The following PRKAG2 variants were observed in gnomAD, a reference collection of about 807,000 sequenced individuals.
PRKAG2 encodes 5'-AMP-activated protein kinase subunit gamma-2.
Under a neutral mutation model 69.6 loss-of-function variants are expected in PRKAG2, and 26 were observed. The observed-to-expected ratio is 0.37, with a 90% confidence interval of 0.27 to 0.52. PRKAG2 has a LOEUF of 0.52. Among genes scored for constraint, PRKAG2 ranks in the 20% least tolerant of loss-of-function variants. The probability of loss-of-function intolerance (pLI) is 0.90; values close to 1 mark genes in which losing one functional copy is unlikely to be tolerated. For missense variants in PRKAG2, 557 were observed against 740.0 expected, an observed-to-expected ratio of 0.75 and a Z score of 2.87; for synonymous variants, 293 against 285.0, an observed-to-expected ratio of 1.03 and a Z score of -0.28.
chr7:151,589,558 C>T (rs1422426521), intron 6 of PRKAG2, among the ~76,000 whole-genome samples: 8 of 152,238 alleles, frequency 5.3e-5, no homozygotes. Context: ...TAATTTAGAT[C>T]CAGTTAACAT....
At chr7:151,826,474 C>T (rs552175529) in intron 1 of PRKAG2, among the ~76,000 whole-genome samples, 17 of 152,224 alleles carry the variant, frequency 1.1e-4, no homozygotes, top group Admixed American at 3.3e-4. Context: ...TGAGCCACCG[C>T]GCCTGGCTCA....
At position 151,633,268 on chromosome 7, in the gene PRKAG2, A is replaced by G. The variant is rs1265479918; in HGVS notation, c.685-1130T>C. On this transcript the variant is annotated intron_variant, in intron 4 of 15. Transcript: ENST00000287878. ...GGTGGGGAGAGAAAAAGAAAACAAA[A>G]CTAAGATGTTTCATGGTAAAAAGCT... 3.3e-5 allele frequency: 5 copies of G among 152,234 alleles called. No individual in the cohort carries two copies. In the South Asian group the frequency reaches 1.0e-3, roughly 32 times the overall value. 9.4% of individuals were successfully genotyped at this position (152,234 alleles called of 1,614,324 possible). A position where few individuals can be genotyped will look rare whatever the true frequency, so the allele number is the denominator to read the frequency against.
At position 151,699,448 on chromosome 7, in the gene PRKAG2, T is replaced by A. The variant is rs1349782389; in HGVS notation, c.467-23811A>T. On this transcript the variant is annotated intron_variant, in intron 3 of 15. Transcript: ENST00000287878. The surrounding 1 kb of genome is among the most constrained non-coding windows in gnomAD (Gnocchi z 4.5). Reference sequence around the variant, plus strand: ...AGCCGTGAATTCACTGGGATTGAGATCATCTCGGCGACTTTATCATGAAGG... The same window carrying A: ...AGCCGTGAATTCACTGGGATTGAGAACATCTCGGCGACTTTATCATGAAGG... 6.6e-6 allele frequency among the ~76,000 whole-genome samples: 1 copy of A among 152,176 alleles called. No individual in the cohort carries two copies. The highest frequency in any genetic ancestry group is 6.5e-5 in the Admixed American group (1 of 15,274).
chr7:151,702,378 C>G (rs56383965), intron 3 of PRKAG2, among the ~76,000 whole-genome samples: 3,861 of 152,288 alleles, frequency 0.025, 158 homozygotes, highest in Non-Finnish European at 0.025. Flanking sequence ...GAAAGTCCAC[C>G]TAGACATTCA....
At chr7:151,852,802 A>G (rs1374719991) in intron 1 of PRKAG2, among the ~76,000 whole-genome samples, 4 of 152,118 alleles carry the variant, frequency 2.6e-5, no homozygotes, top group African/African-American at 9.7e-5. Context: ...CTCCACGAGA[A>G]TTAGCTTAGA....
At chr7:151,829,545 C>T (rs574672505) in intron 1 of PRKAG2, among the ~76,000 whole-genome samples, 1 of 152,038 alleles carries the variant, frequency 6.6e-6, no homozygotes, top group East Asian at 1.9e-4. Context: ...GAAATAAAAA[C>T]GTATTTCCAT....
chr7:151,793,704 C>T (rs899803198), intron 1 of PRKAG2, among the ~76,000 whole-genome samples: 1 of 152,202 alleles, frequency 6.6e-6, no homozygotes, highest in Admixed American at 6.5e-5. Flanking sequence ...CTGGGAGGCA[C>T]GGGGGAGGTG....
intron 4 of PRKAG2, among the ~76,000 whole-genome samples, chr7:151,650,028 G>T (rs1418497700): frequency 6.6e-6 from 1 of 151,916 alleles, no homozygotes; most frequent in African/African-American, 2.4e-5. Flanking sequence ...ATGACTACTT[G>T]GTATTTCTAT....
At chr7:151,809,441 C>T in intron 1 of PRKAG2, 3 of 350,862 alleles carry the variant, frequency 8.6e-6, no homozygotes, top group South Asian at 6.3e-5. Context: ...GCTGTGGGGT[C>T]CTCCCACCAG....
chr7:151,786,509 G>A lies in PRKAG2; in HGVS notation c.147C>T (p.Asp49=), dbSNP rs761196275. 65 of 1,612,884 alleles carry A rather than the reference G, an allele frequency of 4.0e-5. 1 individual carries two copies. Among genetic ancestry groups the A allele is most frequent in the South Asian group, 9.9e-5 (9 of 90,568 alleles). ...DLSSFAMPLL[D]GDLEGSGKHS... ...GCTTTCCGGAACCCTCCAGGTCTCCGTCCAGGAGCGGCATGGCGAAGGAGC... is the reference window on the plus strand; with the variant it reads ...GCTTTCCGGAACCCTCCAGGTCTCCATCCAGGAGCGGCATGGCGAAGGAGC... The change falls in exon 2 of 16, where the codon GAC becomes GAT. Residue 49 remains aspartate, a synonymous_variant. Transcript: ENST00000287878.
intron 5 of PRKAG2, among the ~76,000 whole-genome samples, chr7:151,607,029 G>A (rs1417817508): frequency 6.6e-6 from 1 of 152,160 alleles, no homozygotes; most frequent in Non-Finnish European, 1.5e-5. Context: ...AAACCTGTTT[G>A]CAGACTGATG....
intron 13 of PRKAG2, among the ~76,000 whole-genome samples, chr7:151,564,574 G>A (rs1255955629): frequency 1.3e-5 from 2 of 152,164 alleles, no homozygotes; most frequent in East Asian, 1.9e-4. Context: ...GCTGACATCT[G>A]TAAAGGGTGG....
rs528608106 is a variant in PRKAG2, at chr7:151,569,452, C to T, written c.1107-610G>A. On this transcript the variant is annotated intron_variant, in intron 10 of 15. Coordinates refer to ENST00000287878, the MANE Select transcript of PRKAG2 (RefSeq NM_016203.4). ...ATTGGCAAGAGAGCAAAGGCTGTAG[C>T]AGCAAGCTCTCTGCATTGGTGAGTG... 6.6e-4 allele frequency among the ~76,000 whole-genome samples: 100 copies of T among 152,352 alleles called. 1 individual carries two copies. In the Middle Eastern group the frequency reaches 0.02, roughly 31 times the overall value.
intron 1 of PRKAG2, among the ~76,000 whole-genome samples, chr7:151,870,643 G>A (rs1441674758): frequency 6.6e-5 from 10 of 152,126 alleles, no homozygotes; most frequent in East Asian, 1.9e-4. Flanking sequence ...GGGGCAGGAC[G>A]GGGCTCCCCT....
intron 5 of PRKAG2, among the ~76,000 whole-genome samples, chr7:151,613,661 C>A (rs2151229577): frequency 6.6e-6 from 1 of 151,726 alleles, no homozygotes; most frequent in Non-Finnish European, 1.5e-5. Flanking sequence ...CCACGCCTGG[C>A]TAATTTTTGT....
At chr7:151,784,333 G>C (rs576726944) in intron 2 of PRKAG2, among the ~76,000 whole-genome samples, 1 of 152,308 alleles carries the variant, frequency 6.6e-6, no homozygotes, top group African/African-American at 2.4e-5. Context: ...AGAGGGCCGA[G>C]CCAATGCAAA....
Position 151,744,592 on chromosome 7 carries a change from G to A in PRKAG2, c.466+36560C>T, listed in dbSNP as rs146226653. 6.7e-3 allele frequency among the ~76,000 whole-genome samples: 1,013 copies of A among 152,252 alleles called. 19 individuals are homozygous for A. The highest frequency in any genetic ancestry group is 0.023 in the African/African-American group (965 of 41,546). ...TTTTTGAAAAGACCCCAAGCTTTCC[G>A]TCTCATCAAAGCCACTTTGCATGTT... On this transcript the variant is annotated intron_variant, in intron 3 of 15. Transcript: ENST00000287878.
chr7:151,610,394 G>A (rs2151211621), intron 5 of PRKAG2, among the ~76,000 whole-genome samples: 1 of 147,110 alleles, frequency 6.8e-6, no homozygotes, highest in African/African-American at 2.5e-5. Context: ...ACATTTTAGT[G>A]TGGGCTGGGC....
chr7:151,815,072 G>A (rs2078600687), intron 1 of PRKAG2, among the ~76,000 whole-genome samples: 1 of 152,164 alleles, frequency 6.6e-6, no homozygotes, highest in South Asian at 2.1e-4. Context: ...GAACTCCCTG[G>A]GGATTCCTGT....
Sources: gnomAD v4.1 joint callset for allele counts (sites outside exome capture counted in the v4.1 genomes callset) on GRCh38, gnomAD v4.1.1 for gene constraint, Gnocchi (gnomAD v3.1) non-coding constraint, MANE v1.5 for transcripts, NCBI Gene and HGNC (gene_info 2026-07-23, HGNC 2026-07-21) for gene names.